The following ZNF112 variants were observed in gnomAD, a reference collection of about 807,000 sequenced individuals.
The protein encoded by ZNF112 is zinc finger protein 112.
ZNF112 carries 37 observed loss-of-function variants against 77.7 expected under a neutral mutation model. The ratio of observed to expected loss-of-function variants is 0.48; its 90% CI spans 0.37 to 0.63. ZNF112 has a LOEUF of 0.63. ZNF112 is among the 20% of genes least tolerant of loss of function. The pLI is 0.00. For missense variants in ZNF112, 950 were observed against 1,077.4 expected, an observed-to-expected ratio of 0.88 and a Z score of 1.66; for synonymous variants, 333 against 363.6, an observed-to-expected ratio of 0.92 and a Z score of 0.96.
At chr19:44,364,819 C>T (rs910752336) in intron 1 of ZNF112, among the ~76,000 whole-genome samples, 13 of 152,206 alleles carry the variant, frequency 8.5e-5, no homozygotes, top group South Asian at 4.1e-4. Context: ...CTTGAACATC[C>T]GCGGATTTTG....
Position 44,362,536 on chromosome 19 carries a change from C to T in ZNF112, c.17+4545G>A, listed in dbSNP as rs1970864703. On this transcript the variant is annotated intron_variant, in intron 1 of 4. Coordinates refer to the ZNF112 transcript ENST00000588057. The stretch of plus-strand genomic sequence containing the variant: ...GTTCATGTGCACTATTCTTGGCATA[C>T]AAGATTCAGTTGTGAATCACTTCTA... Among the ~76,000 whole-genome samples the T allele has an allele frequency of 4.0e-5, 6 of 151,550 alleles. No individual in the cohort carries two copies. The South Asian group carries it at 1.0e-3, about 26-fold the overall frequency.
At chr19:44,345,413 G>A (rs2722735) in intron 1 of ZNF112, among the ~76,000 whole-genome samples, 48,500 of 152,034 alleles carry the variant, frequency 0.32, 10,754 homozygotes, top group African/African-American at 0.63. Context: ...TCACTAAGAG[G>A]AAGGAGCAGT....
chr19:44,365,505 T>C (rs1405208840), intron 1 of ZNF112, among the ~76,000 whole-genome samples: 4 of 151,668 alleles, frequency 2.6e-5, no homozygotes, highest in South Asian at 4.2e-4. Flanking sequence ...TGTGTAAAAA[T>C]TGTATACACA....
intron 3 of ZNF112, among the ~76,000 whole-genome samples, chr19:44,332,209 T>C (rs760535924): frequency 2.0e-5 from 3 of 152,054 alleles, no homozygotes; most frequent in African/African-American, 7.2e-5. Context: ...AAACCCAAAA[T>C]GGTGTAATTT....
chr19:44,366,901 C>T (rs2571073), intron 1 of ZNF112, among the ~76,000 whole-genome samples: 23,600 of 152,144 alleles, frequency 0.16, 2,142 homozygotes, highest in African/African-American at 0.25. Flanking sequence ...CTACTATTCC[C>T]CTTATGTTAC....
chr19:44,341,188 C>A (rs1472646600), intron 1 of ZNF112: 1 of 456,550 alleles, frequency 2.2e-6, no homozygotes, highest in African/African-American at 2.0e-5. Flanking sequence ...AAGTACCCAA[C>A]AAATGTTAGC....
intron 1 of ZNF112, among the ~76,000 whole-genome samples, chr19:44,353,827 T>C (rs1039960202): frequency 6.6e-6 from 1 of 152,090 alleles, no homozygotes. Flanking sequence ...TGGCATCTTA[T>C]AAAGTTAAAC....
chr19:44,346,914 G>C lies in ZNF112; in HGVS notation c.-3-6372C>G, dbSNP rs183499841. On this transcript the variant is annotated intron_variant, in intron 1 of 3. Coordinates refer to ENST00000354340, the MANE Select transcript of ZNF112 (RefSeq NM_013380.4). ...AACAATGTGCATTCTGTTGTTGATA[G>C]AGTGCTCTACAAATGTCAACGAGGT... Among the ~76,000 whole-genome samples the C allele has an allele frequency of 1.8e-3, 276 of 152,332 alleles. 2 individuals carry two copies. The highest frequency in any genetic ancestry group is 6.6e-3 in the African/African-American group (273 of 41,580).
intron 3 of ZNF112, 47 bp downstream of exon 3, chr19:44,336,576 C>A (rs767839215): frequency 6.7e-7 from 1 of 1,502,412 alleles, no homozygotes; most frequent in Non-Finnish European, 9.3e-7. Context: ...GACTCATGTT[C>A]TAGAAGGGGC....
Position 44,327,387 on chromosome 19 carries a change from G to C in ZNF112, c.*46C>G. On this transcript the variant is annotated 3_prime_UTR_variant, in exon 4 of 4. Coordinates refer to ENST00000354340, the MANE Select transcript of ZNF112 (RefSeq NM_013380.4). The stretch of plus-strand genomic sequence containing the variant: ...AATTTTTAAAAATTCTTTTTCTACT[G>C]AAAGAACTCTAGTGACTGGAAAATT... The C allele has an allele frequency of 6.8e-7, 1 of 1,472,052 alleles. No homozygotes were observed. The highest frequency in any genetic ancestry group is 9.1e-7 in the Non-Finnish European group (1 of 1,095,712). The allele number at this position is 1,472,052 out of a possible 1,614,324, so 91.2% of individuals were successfully genotyped here. A position where few individuals can be genotyped will look rare whatever the true frequency, so the allele number is the denominator to read the frequency against.
In ZNF112 at chr19:44,330,099, C is replaced by T. The variant is rs540536390; in HGVS notation, c.221-163G>A. Among the ~76,000 whole-genome samples the T allele has an allele frequency of 7.2e-5, 11 of 152,192 alleles. No homozygotes were observed. In the South Asian group the frequency reaches 2.3e-3, roughly 32 times the overall value. On this transcript the variant is annotated intron_variant, in intron 3 of 3. Transcript: ENST00000354340. ...GAAAATATCTCCTCTTTGGCTATAC[C>T]AGTTACAGGTTGAGTATTCTCAATC...
At chr19:44,353,564 T>C (rs187492705) in intron 1 of ZNF112, among the ~76,000 whole-genome samples, 6 of 151,934 alleles carry the variant, frequency 3.9e-5, no homozygotes, top group Admixed American at 1.3e-4. Flanking sequence ...TATAACCCAA[T>C]GTAAAACTGG....
Position 44,363,309 on chromosome 19 carries a change from T to C in ZNF112, c.17+3772A>G, listed in dbSNP as rs8112166. ...ACATAAAGAAGAGTTGGAAGAATTA[T>C]ACAGTAGTCACCCATATATTCTCAG... is the stretch of plus-strand genomic sequence containing the variant. On this transcript the variant is annotated intron_variant, in intron 1 of 4. Transcript: ENST00000588057. Among the ~76,000 whole-genome samples the C allele has an allele frequency of 4.3e-3, 653 of 152,302 alleles. 2 individuals are homozygous for C. The highest frequency in any genetic ancestry group is 0.015 in the African/African-American group (614 of 41,544).
Position 44,329,184 on chromosome 19 carries a change from A to G in ZNF112, c.973T>C (p.Cys325Arg), listed in dbSNP as rs776071312. The change falls in exon 4 of 4, where the codon TGC (cysteine) becomes CGC (arginine). Residue 325 changes from cysteine to arginine, a missense_variant. By Grantham distance (180) the Cys-to-Arg change is radical (BLOSUM62 -3). Coordinates refer to ENST00000354340, the MANE Select transcript of ZNF112 (RefSeq NM_013380.4). ...TTCTCACCATATTCACCACATTTGC[A>G]TGGTTTCTCCTCTGTATGCACTCTC... ...YQRVHTEEKP[C>R]KCGEYGENFN... 5.6e-6 allele frequency: 9 copies of G among 1,613,774 alleles called. No homozygotes were observed. In the South Asian group the frequency reaches 7.7e-5, roughly 14 times the overall value.
chr19:44,345,593 C>T (rs1210043828), intron 1 of ZNF112, among the ~76,000 whole-genome samples: 1 of 152,184 alleles, frequency 6.6e-6, no homozygotes, highest in Non-Finnish European at 1.5e-5. Flanking sequence ...CAGTGGTCAT[C>T]CTATAGACTA....
chr19:44,335,826 T>C (rs1970355289), intron 3 of ZNF112, among the ~76,000 whole-genome samples: 1 of 152,232 alleles, frequency 6.6e-6, no homozygotes, highest in Admixed American at 6.5e-5. Flanking sequence ...TCTTTCTTCT[T>C]ATCCAGCAGC....
At chr19:44,337,837 A>G (rs8109645) in intron 2 of ZNF112, among the ~76,000 whole-genome samples, 2 of 21,646 alleles carry the variant, frequency 9.2e-5, no homozygotes, top group Non-Finnish European at 1.1e-4. Context: ...ATATACATAC[A>G]CATACACACA....
chr19:44,360,123 G>A (rs1182335193), upstream of ZNF112, among the ~76,000 whole-genome samples: 2 of 151,854 alleles, frequency 1.3e-5, no homozygotes, highest in Non-Finnish European at 2.9e-5. Flanking sequence ...GGGCATGGTG[G>A]CACGTGCCTG....
At chr19:44,336,326 G>GC (rs1970365589) in intron 3 of ZNF112, among the ~76,000 whole-genome samples, 1 of 152,142 alleles carries the variant, frequency 6.6e-6, no homozygotes, top group South Asian at 2.1e-4. Flanking sequence ...AGAGAGAAAA[G>GC]CAAGTCAAGG....
Sources: gnomAD v4.1 joint callset for allele counts (sites outside exome capture counted in the v4.1 genomes callset) on GRCh38, gnomAD v4.1.1 for gene constraint, MANE v1.5 for transcripts, NCBI Gene and HGNC (gene_info 2026-07-23, HGNC 2026-07-21) for gene names.